Variants in DLGAP3 observed in about 807,000 individuals in gnomAD.
DLGAP3 encodes disks large-associated protein 3.
In DLGAP3, 17 loss-of-function variants were observed where a neutral mutation model predicts 81.2. The observed-to-expected ratio is 0.21, with a 90% CI of 0.14 to 0.31. DLGAP3 has a LOEUF of 0.31. Ranked by LOEUF, DLGAP3 falls within the 10% of genes least tolerant of loss-of-function variation. The pLI is 1.00. For missense variants in DLGAP3, 1,124 were observed against 1,388.0 expected (o/e 0.81, Z 3.02); for synonymous variants, 577 against 587.4 (o/e 0.98, Z 0.26).
At chr1:34,875,240 C>T (rs780647485) in intron 8 of DLGAP3, among the ~76,000 whole-genome samples, 1 of 152,140 alleles carries the variant, frequency 6.6e-6, no homozygotes, top group Non-Finnish European at 1.5e-5. Context: ...CTAGAAATGA[C>T]CATAATGTTA....
At chr1:34,918,351 G>C (rs1453459699) in intron 1 of DLGAP3, among the ~76,000 whole-genome samples, 1 of 152,248 alleles carries the variant, frequency 6.6e-6, no homozygotes, top group African/African-American at 2.4e-5. Context: ...ACAGTGCCCA[G>C]GGTGGAGGCA....
rs771062998 is a variant in DLGAP3 at position 34,905,175 on chromosome 1, G to A, written c.209C>T (p.Ser70Leu). Residue 70 changes from serine to leucine, a missense_variant, in exon 3 of 12, where the codon TCG (serine) becomes TTG (leucine). By Grantham distance (145) the Ser-to-Leu change is moderately radical (BLOSUM62 -2). This residue lies in a region of DLGAP3 where 167 missense variants were observed against 172.1 expected (regional missense o/e 0.97). Transcript: ENST00000373347. ...EGPLSLSEGP[S>L]VGPEGGPAGA... Reference sequence around the variant, plus strand: ...CGCTGGCCCTCCCTCAGGGCCTACCGACGGCCCCTCACTCAGGCTCAGGGG... The same window carrying A: ...CGCTGGCCCTCCCTCAGGGCCTACCAACGGCCCCTCACTCAGGCTCAGGGG... The A allele has an allele frequency of 3.0e-5, 47 of 1,577,432 alleles. No individual in the cohort carries two copies. The highest frequency in any genetic ancestry group is 3.4e-4 in the Middle Eastern group (2 of 5,824).
At chr1:34,898,308 G>A (rs1639406206) in intron 5 of DLGAP3, among the ~76,000 whole-genome samples, 1 of 152,176 alleles carries the variant, frequency 6.6e-6, no homozygotes, top group Non-Finnish European at 1.5e-5. Context: ...AAGCAGCCAG[G>A]GAGGGAATCT....
chr1:34,890,355 T>A (rs573014183), intron 5 of DLGAP3, among the ~76,000 whole-genome samples: 1 of 152,362 alleles, frequency 6.6e-6, no homozygotes, highest in East Asian at 1.9e-4. Context: ...GAGTGTATTA[T>A]GTGGGAGACA....
At chr1:34,901,334 A>AGGAG (rs1639457512) in intron 3 of DLGAP3, among the ~76,000 whole-genome samples, 1 of 152,176 alleles carries the variant, frequency 6.6e-6, no homozygotes, top group African/African-American at 2.4e-5. Context: ...GCAGAGGGGT[A>AGGAG]GGAGGGAAGT....
rs779200016 is a variant in DLGAP3, at chr1:34,868,954, G to A, written c.2136C>T (p.His712=). ...ALQFGRSFQR[H]ASEPQPGPRA... is the part of the protein sequence containing the mutation. ...GGGGCCCAGGCTGGGGCTCAGAGGC[G>A]TGCCTCTGGAAGGAGCGTCCAAACT... Residue 712 remains histidine, a synonymous_variant, in exon 9 of 12, where the codon CAC becomes CAT. Coordinates refer to ENST00000373347, the MANE Select transcript of DLGAP3 (RefSeq NM_001080418.3). This position sits in a 1 kb window ranked among gnomAD's most constrained non-coding sequence, Gnocchi z 7.5. 6.2e-6 allele frequency: 10 copies of A among 1,609,738 alleles called. No homozygotes were observed. The highest frequency in any genetic ancestry group is 4.0e-5 in the African/African-American group (3 of 74,940).
Position 34,905,107 on chromosome 1 carries a change from A to T in DLGAP3, c.277T>A (p.Tyr93Asn). Residue 93 changes from tyrosine to asparagine, a missense_variant, in exon 3 of 12, where the codon TAC (tyrosine) becomes AAC (asparagine). Physicochemically the swap from Tyr to Asn is moderately radical, Grantham distance 143. Coordinates refer to ENST00000373347, the MANE Select transcript of DLGAP3 (RefSeq NM_001080418.3). ...GGGSSTFPRM[Y>N]PGQGPFDTCE... ...GTGTCGAAGGGGCCCTGGCCAGGGT[A>T]CATCCTGGGGAAGGTGCTGCTACCC... 1 of 1,585,608 alleles carries T rather than the reference A, an allele frequency of 6.3e-7. No homozygotes were observed. Among genetic ancestry groups the T allele is most frequent in the East Asian group, 2.3e-5 (1 of 43,434 alleles).
rs992984587 is a variant in DLGAP3 at position 34,902,324 on chromosome 1, G to C, written c.1107+1953C>G. ...TGGGGTCCCTTGAAGGAACCCACGG[G>C]CAGGAGCAGGGCTCTTCAAGGGGCT... On this transcript the variant is annotated intron_variant, in intron 3 of 11. Transcript: ENST00000373347. This position sits in a 1 kb window ranked among gnomAD's most constrained non-coding sequence, Gnocchi z 4.4. 6.6e-6 allele frequency among the ~76,000 whole-genome samples: 1 copy of C among 152,140 alleles called. No individual in the cohort carries two copies. Among genetic ancestry groups the C allele is most frequent in the African/African-American group, 2.4e-5 (1 of 41,422 alleles).
chr1:34,917,701 A>G (rs1639738748), intron 1 of DLGAP3, among the ~76,000 whole-genome samples: 1 of 152,224 alleles, frequency 6.6e-6, no homozygotes, highest in South Asian at 2.1e-4. Context: ...AAAACCTTAA[A>G]TACATGTCCA....
chr1:34,897,407 A>C (rs1639395732), intron 5 of DLGAP3, among the ~76,000 whole-genome samples: 1 of 152,200 alleles, frequency 6.6e-6, no homozygotes, highest in Admixed American at 6.5e-5. Context: ...AAGACCTGAA[A>C]GAAGTTAGGA....
At chr1:34,870,393 C>T (rs1638961653) in intron 8 of DLGAP3, among the ~76,000 whole-genome samples, 1 of 152,162 alleles carries the variant, frequency 6.6e-6, no homozygotes, top group Non-Finnish European at 1.5e-5. Flanking sequence ...TACCTCCACC[C>T]CTACATGGTC....
At chr1:34,927,005 G>A (rs964192372) in intron 1 of DLGAP3, among the ~76,000 whole-genome samples, 16 of 152,132 alleles carry the variant, frequency 1.1e-4, no homozygotes, top group South Asian at 2.1e-4. Context: ...TCAGGCAGCC[G>A]CTGAAAGCAG....
chr1:34,892,413 A>G (rs1639326020), intron 5 of DLGAP3, among the ~76,000 whole-genome samples: 1 of 152,170 alleles, frequency 6.6e-6, no homozygotes, highest in Admixed American at 6.6e-5. Context: ...GGAGGAGGGG[A>G]AAAAAAGAGG....
intron 1 of DLGAP3, among the ~76,000 whole-genome samples, chr1:34,922,168 T>C (rs1050720427): frequency 2.0e-5 from 3 of 152,170 alleles, no homozygotes; most frequent in African/African-American, 7.2e-5. Flanking sequence ...GGAGCCTGGA[T>C]TTCTTACTTG....
At chr1:34,918,299 G>A (rs1233862321) in intron 1 of DLGAP3, among the ~76,000 whole-genome samples, 1 of 152,226 alleles carries the variant, frequency 6.6e-6, no homozygotes, top group Non-Finnish European at 1.5e-5. Context: ...CTCACCTCGA[G>A]GTGTGCCCTG....
intron 8 of DLGAP3, among the ~76,000 whole-genome samples, chr1:34,872,321 G>A (rs1638993283): frequency 6.6e-6 from 1 of 152,210 alleles, no homozygotes; most frequent in Admixed American, 6.5e-5. Context: ...TGGGTTTGGT[G>A]GAATGTGGGG....
At chr1:34,912,639 T>C (rs929559486) in intron 1 of DLGAP3, among the ~76,000 whole-genome samples, 7 of 152,172 alleles carry the variant, frequency 4.6e-5, no homozygotes, top group African/African-American at 1.7e-4. Flanking sequence ...AGAATTCATT[T>C]TGCTGCTGTT....
intron 2 of DLGAP3, among the ~76,000 whole-genome samples, chr1:34,906,975 C>T (rs1231513525): frequency 1.3e-5 from 2 of 152,144 alleles, no homozygotes; most frequent in African/African-American, 2.4e-5. Context: ...CTCGACCAGG[C>T]TCCTGGGCCA....
intron 1 of DLGAP3, among the ~76,000 whole-genome samples, chr1:34,919,318 C>A (rs960886302): frequency 1.3e-5 from 2 of 152,178 alleles, no homozygotes; most frequent in Admixed American, 6.5e-5. Flanking sequence ...GTGGGGCAGA[C>A]CCCCAACTCC....
Sources: allele counts gnomAD v4.1 joint callset (sites outside exome capture counted in the v4.1 genomes callset), GRCh38; gene constraint gnomAD v4.1.1; regional missense constraint gnomAD v4.1.1; non-coding constraint Gnocchi (gnomAD v3.1); transcripts MANE v1.5; gene names NCBI Gene and HGNC (gene_info 2026-07-23, HGNC 2026-07-21).